GABPB2: variants seen among roughly 807,000 people sequenced by gnomAD.
GABPB2 encodes GA binding protein transcription factor subunit beta 2.
Under a neutral mutation model 39.1 loss-of-function variants are expected in GABPB2, and 23 were observed. The observed-to-expected ratio is 0.59, with a 90% CI of 0.42 to 0.83. The LOEUF is 0.83. Ranked by LOEUF, GABPB2 falls within the 40% of genes least tolerant of loss-of-function variation. GABPB2 has a pLI of 0.00. For missense variants in GABPB2, 467 were observed against 541.1 expected (o/e 0.86, Z 1.36); for synonymous variants, 184 against 199.3 (o/e 0.92, Z 0.65).
intron 1 of GABPB2, among the ~76,000 whole-genome samples, chr1:151,071,330 G>A (rs1676694706): frequency 1.3e-5 from 2 of 152,106 alleles, no homozygotes; most frequent in African/African-American, 4.8e-5. Flanking sequence ...GGAACTGTAG[G>A]GTTTATGATA....
At chr1:151,112,857 G>T (rs1294721416) in intron 7 of GABPB2, 1 of 151,810 alleles carries the variant, frequency 6.6e-6, no homozygotes, top group Non-Finnish European at 1.5e-5. Flanking sequence ...TGCAATCTCT[G>T]CCTCCCAGGT....
At position 151,119,563 on chromosome 1, in the gene GABPB2, C is replaced by A. The variant is rs1166197935; in HGVS notation, c.*1307C>A. 2 of 152,250 alleles carry A rather than the reference C, an allele frequency of 1.3e-5. No individual in the cohort carries two copies. Among genetic ancestry groups the A allele is most frequent in the East Asian group, 3.9e-4 (2 of 5,184 alleles). The allele number at this position is 152,250 out of a possible 1,614,324, so 9.4% of individuals were successfully genotyped here. On this transcript the variant is annotated 3_prime_UTR_variant, in exon 9 of 9. Transcript: ENST00000368918. Reference sequence around the variant, plus strand: ...GATCATCCTGGCCAACATGGTGACACCCCGTCTCTACTAAAAATACAAAAA... The same window carrying A: ...GATCATCCTGGCCAACATGGTGACAACCCGTCTCTACTAAAAATACAAAAA...
intron 1 of GABPB2, among the ~76,000 whole-genome samples, chr1:151,076,907 C>T (rs1175181083): frequency 6.6e-6 from 1 of 151,492 alleles, no homozygotes; most frequent in Non-Finnish European, 1.5e-5. Context: ...CATTCTCCTG[C>T]CTCAGCCTCC....
At chr1:151,082,814 A>G (rs1677841205) in intron 1 of GABPB2, among the ~76,000 whole-genome samples, 1 of 151,920 alleles carries the variant, frequency 6.6e-6, no homozygotes, top group African/African-American at 2.4e-5. Context: ...CACCTCTACA[A>G]AAAACTAAAA....
rs111693034 is a variant in GABPB2, at chr1:151,092,513, C to G, written c.277-679C>G. ...AGTGATCCTTCCATCCTCAGCCTTC[C>G]AAAGTTCTGGGATTACAGGCATGAG... On this transcript the variant is annotated intron_variant, in intron 3 of 8. Coordinates refer to ENST00000368918, the MANE Select transcript of GABPB2 (RefSeq NM_144618.3). Among the ~76,000 whole-genome samples, 994 of 152,040 alleles carry G rather than the reference C, an allele frequency of 6.5e-3. 13 individuals carry two copies. The highest frequency in any genetic ancestry group is 0.023 in the African/African-American group (937 of 41,486).
intron 2 of GABPB2, among the ~76,000 whole-genome samples, chr1:151,089,695 G>T (rs1678504316): frequency 6.6e-6 from 1 of 151,720 alleles, no homozygotes; most frequent in African/African-American, 2.4e-5. Flanking sequence ...TCTCTGTGTT[G>T]CCCAGGCTGG....
Position 151,104,985 on chromosome 1 carries a change from A to G in GABPB2, c.736+1310A>G, listed in dbSNP as rs376086746. Among the ~76,000 whole-genome samples, 19 of 151,140 alleles carry G rather than the reference A, an allele frequency of 1.3e-4. No homozygotes were observed. In the East Asian group the frequency reaches 1.8e-3, roughly 14 times the overall value. ...AGTGGCATGATCTCAGCTTACTGCA[A>G]TCTCCACCTCTGGGGTTCAAGCACA... On this transcript the variant is annotated intron_variant, in intron 6 of 8. Coordinates refer to ENST00000368918, the MANE Select transcript of GABPB2 (RefSeq NM_144618.3).
chr1:151,097,682 G>T (rs760035679), intron 4 of GABPB2, among the ~76,000 whole-genome samples, 170 bp from the exon 5 acceptor site: 1 of 151,812 alleles, frequency 6.6e-6, no homozygotes, highest in Non-Finnish European at 1.5e-5. Context: ...GGGAGGGTGA[G>T]TCATGAGAAT....
At chr1:151,071,852 C>G (rs1468261847) in intron 1 of GABPB2, among the ~76,000 whole-genome samples, 2 of 152,240 alleles carry the variant, frequency 1.3e-5, no homozygotes, top group Admixed American at 6.5e-5. Flanking sequence ...ACCATAGATT[C>G]TTCCATTGCA....
intron 1 of GABPB2, among the ~76,000 whole-genome samples, chr1:151,074,687 A>C (rs1677022886): frequency 6.6e-6 from 1 of 152,046 alleles, no homozygotes; most frequent in African/African-American, 2.4e-5. Flanking sequence ...CTGCCATGGC[A>C]TGGCACTGGT....
At chr1:151,101,749 G>A (rs587645907) in intron 5 of GABPB2, among the ~76,000 whole-genome samples, 1 of 152,288 alleles carries the variant, frequency 6.6e-6, no homozygotes, top group African/African-American at 2.4e-5. Context: ...ATTCGGAACT[G>A]AGAGGCAATA....
chr1:151,097,843 GT>G lies in GABPB2; in HGVS notation c.472-6del. 1 of 1,612,286 alleles carries G rather than the reference GT, an allele frequency of 6.2e-7. No homozygotes were observed. Reference sequence around the variant, plus strand: ...TGTTCTGATTGAAATATCCTGCCTTGTTTGATAGGAAGCAATGCAGAATCAG... The same window carrying G: ...TGTTCTGATTGAAATATCCTGCCTTGTTGATAGGAAGCAATGCAGAATCAG... On this transcript the variant is annotated splice_polypyrimidine_tract_variant and splice_region_variant and intron_variant, in intron 4 of 8. Transcript: ENST00000368918.
At chr1:151,075,536 C>A (rs905217974) in intron 1 of GABPB2, among the ~76,000 whole-genome samples, 5 of 144,810 alleles carry the variant, frequency 3.5e-5, no homozygotes, top group Non-Finnish European at 7.5e-5. Flanking sequence ...TGCACTCTAG[C>A]CTGGGCGACA....
chr1:151,115,022 C>A (rs1183310588), intron 7 of GABPB2, among the ~76,000 whole-genome samples: 1 of 152,070 alleles, frequency 6.6e-6, no homozygotes, highest in Non-Finnish European at 1.5e-5. Flanking sequence ...AAGAAAAAAA[C>A]AAGTAGGAAA....
intron 5 of GABPB2, 80 bp downstream of exon 5, chr1:151,098,082 C>T: frequency 1.7e-6 from 2 of 1,193,120 alleles, no homozygotes; most frequent in Non-Finnish European, 2.4e-6. Context: ...TGAATGGATA[C>T]CCTTTCTAAT....
At chr1:151,094,698 A>G (rs975588854) in intron 4 of GABPB2, among the ~76,000 whole-genome samples, 1 of 148,250 alleles carries the variant, frequency 6.7e-6, no homozygotes, top group Non-Finnish European at 1.5e-5. Flanking sequence ...ACAATAGGAC[A>G]GGGGATATAA....
intron 1 of GABPB2, among the ~76,000 whole-genome samples, chr1:151,086,283 G>T (rs1381047246): frequency 6.6e-6 from 1 of 151,396 alleles, no homozygotes; most frequent in African/African-American, 2.4e-5. Flanking sequence ...TTCCCATTTT[G>T]TCACACATAA....
At chr1:151,077,298 C>T (rs147863542) in intron 1 of GABPB2, among the ~76,000 whole-genome samples, 1 of 151,394 alleles carries the variant, frequency 6.6e-6, no homozygotes, top group African/African-American at 2.4e-5. Flanking sequence ...TCTGACAGGC[C>T]CAGGAGCCCC....
At chr1:151,071,872 G>C (rs1240960706) in intron 1 of GABPB2, among the ~76,000 whole-genome samples, 1 of 152,180 alleles carries the variant, frequency 6.6e-6, no homozygotes, top group Non-Finnish European at 1.5e-5. Context: ...AATTCTTTCC[G>C]TTGGCTGTCT....
Sources: gnomAD v4.1 joint callset for allele counts (sites outside exome capture counted in the v4.1 genomes callset) on GRCh38, gnomAD v4.1.1 for gene constraint, MANE v1.5 for transcripts, NCBI Gene and HGNC (gene_info 2026-07-23, HGNC 2026-07-21) for gene names.